The following RAB11FIP5 variants were observed in gnomAD, a reference collection of about 807,000 sequenced individuals.
RAB11FIP5 encodes the protein RAB11 family interacting protein 5.
Under a neutral mutation model 85.1 loss-of-function variants are expected in RAB11FIP5, and 48 were observed. The observed-to-expected ratio is 0.56, with a 90% CI of 0.45 to 0.72. The LOEUF (loss-of-function observed/expected upper bound fraction) is 0.72, where lower values mean the gene tolerates loss of function less well. Among genes scored for constraint, RAB11FIP5 ranks in the 30% least tolerant of loss-of-function variants. The pLI, the probability that RAB11FIP5 is intolerant of heterozygous loss-of-function variation, is 0.00. For missense variants in RAB11FIP5, 1,491 were observed against 1,687.0 expected (o/e 0.88, Z 2.04); for synonymous variants, 729 against 727.3 (o/e 1.00, Z -0.04).
Position 73,078,830 on chromosome 2 carries a change from C to T in RAB11FIP5, c.3581+821G>A, listed in dbSNP as rs941889305. Among the ~76,000 whole-genome samples the T allele has an allele frequency of 2.9e-4, 44 of 152,174 alleles. No individual in the cohort carries two copies. The highest frequency in any genetic ancestry group is 9.9e-4 in the African/African-American group (41 of 41,432). ...CTTCTAAGTCACACCCCATCACCTC[C>T]CAGTGCCCTGAGTCTCCAGGCCTCT... On this transcript the variant is annotated intron_variant, in intron 4 of 5. Coordinates refer to ENST00000486777, the MANE Select transcript of RAB11FIP5 (RefSeq NM_001371272.1). The surrounding 1 kb of genome is among the most constrained non-coding windows in gnomAD (Gnocchi z 4.4).
chr2:73,106,308 G>A (rs984720070), intron 1 of RAB11FIP5, among the ~76,000 whole-genome samples: 7 of 152,210 alleles, frequency 4.6e-5, no homozygotes, highest in Non-Finnish European at 8.8e-5. Context: ...GGAGGCAGAT[G>A]GGTTCCATGA....
rs1271504210 is a variant in RAB11FIP5, at chr2:73,112,295, C to T, written c.431+52G>A. 4.0e-6 allele frequency: 6 copies of T among 1,486,670 alleles called. No homozygotes were observed. The East Asian group carries it at 1.5e-4, about 37-fold the overall frequency. 92.1% of individuals were successfully genotyped at this position (1,486,670 alleles called of 1,614,324 possible). ...TTCGGGGTCCTGATCCCCCACCAGC[C>T]CCGCCCTGTTAGGCCTTTAGCCGTT... is the stretch of plus-strand genomic sequence containing the variant. On this transcript the variant is annotated intron_variant, in intron 1 of 5. Coordinates refer to ENST00000486777, the MANE Select transcript of RAB11FIP5 (RefSeq NM_001371272.1).
Position 73,075,608 on chromosome 2 carries a change from C to G in RAB11FIP5, c.3888G>C (p.Glu1296Asp). The G allele has an allele frequency of 6.2e-7, 1 of 1,614,198 alleles. No individual in the cohort carries two copies. The highest frequency in any genetic ancestry group is 1.1e-5 in the South Asian group (1 of 91,082). The change falls in exon 6 of 6, where the codon GAG becomes GAC. Residue 1296 changes from glutamate to aspartate, a missense_variant. By Grantham distance (45) the Glu-to-Asp change is conservative (BLOSUM62 2). Transcript: ENST00000486777. The surrounding 1 kb of genome is among the most constrained non-coding windows in gnomAD (Gnocchi z 4.6). ...GCAGCCGGTCGATGTAGCTCTCCAG[C>G]TCCTGCACATGCTCGTCCCGCTGGC... ...ELSQRDEHVQ[E>D]LESYIDRLLV...
At chr2:73,109,432 T>C (rs2106126722) in intron 1 of RAB11FIP5, among the ~76,000 whole-genome samples, 1 of 152,352 alleles carries the variant, frequency 6.6e-6, no homozygotes, top group South Asian at 2.1e-4. Flanking sequence ...ATCTAATCTG[T>C]ACAACTCTAT....
chr2:73,108,372 T>A (rs1416756385), intron 1 of RAB11FIP5, among the ~76,000 whole-genome samples: 3 of 152,118 alleles, frequency 2.0e-5, no homozygotes, highest in Admixed American at 2.0e-4. Flanking sequence ...GCAGGGACCA[T>A]TTCACCCTTA....
Position 73,078,344 on chromosome 2 carries a change from A to G in RAB11FIP5, c.3581+1307T>C, listed in dbSNP as rs899346419. Among the ~76,000 whole-genome samples, 4 of 152,224 alleles carry G rather than the reference A, an allele frequency of 2.6e-5. No individual in the cohort carries two copies. Among genetic ancestry groups the G allele is most frequent in the African/African-American group, 9.6e-5 (4 of 41,460 alleles). On this transcript the variant is annotated intron_variant, in intron 4 of 5. Transcript: ENST00000486777. This position sits in a 1 kb window ranked among gnomAD's most constrained non-coding sequence, Gnocchi z 4.4. The stretch of plus-strand genomic sequence containing the variant: ...CAGAAGGAACAAGCCCAGTACAGAC[A>G]TGAAGCCAACTCTGGGACGAATAAA...
intron 1 of RAB11FIP5, among the ~76,000 whole-genome samples, chr2:73,094,838 G>A (rs1032815642): frequency 6.6e-6 from 1 of 152,092 alleles, no homozygotes; most frequent in Non-Finnish European, 1.5e-5. Context: ...CCAGGAGGGG[G>A]TAAGTTACCA....
At chr2:73,100,663 T>C (rs1413908298) in intron 1 of RAB11FIP5, among the ~76,000 whole-genome samples, 2 of 152,108 alleles carry the variant, frequency 1.3e-5, no homozygotes, top group African/African-American at 4.8e-5. Context: ...TGACCTCAAG[T>C]GATCCATCTG....
In RAB11FIP5 at chr2:73,075,560, T is replaced by G; in HGVS notation, c.3936A>C (p.Ser1312=). The G allele has an allele frequency of 6.2e-7, 1 of 1,613,954 alleles. No individual in the cohort carries two copies. The highest frequency in any genetic ancestry group is 8.5e-7 in the Non-Finnish European group (1 of 1,179,934). Residue 1312 remains serine (S), a synonymous_variant, in exon 6 of 6, where the codon TCA becomes TCC. Coordinates refer to ENST00000486777, the MANE Select transcript of RAB11FIP5 (RefSeq NM_001371272.1). This position sits in a 1 kb window ranked among gnomAD's most constrained non-coding sequence, Gnocchi z 4.6. ...CCGGGGGGATCTGCAGCAGCGTGGG[T>G]GAGGTCTCCATGATCCGCACCAGCA... ...DRLLVRIMET[S]PTLLQIPPGP...
intron 4 of RAB11FIP5, among the ~76,000 whole-genome samples, chr2:73,077,957 A>G (rs1403893822): frequency 6.6e-6 from 1 of 152,222 alleles, no homozygotes; most frequent in East Asian, 1.9e-4. Flanking sequence ...GGTCACCCAG[A>G]CCCAGAGACT....
chr2:73,102,569 C>T (rs1558523347), intron 1 of RAB11FIP5, among the ~76,000 whole-genome samples: 1 of 152,142 alleles, frequency 6.6e-6, no homozygotes, highest in African/African-American at 2.4e-5. Flanking sequence ...TGGGAGCACC[C>T]CTTTTTCGCC....
chr2:73,083,551 T>C (rs1033703010), intron 3 of RAB11FIP5, among the ~76,000 whole-genome samples: 1 of 152,126 alleles, frequency 6.6e-6, no homozygotes, highest in Non-Finnish European at 1.5e-5. Context: ...TCCCACCTGT[T>C]CCCACCCCAC....
chr2:73,081,917 T>C lies in RAB11FIP5; in HGVS notation c.1569-254A>G, dbSNP rs1298226599. 6.6e-6 allele frequency among the ~76,000 whole-genome samples: 1 copy of C among 152,140 alleles called. No homozygotes were observed. Among genetic ancestry groups the C allele is most frequent in the Non-Finnish European group, 1.5e-5 (1 of 68,032 alleles). On this transcript the variant is annotated intron_variant, in intron 3 of 5. Coordinates refer to ENST00000486777, the MANE Select transcript of RAB11FIP5 (RefSeq NM_001371272.1). The surrounding 1 kb of genome is among the most constrained non-coding windows in gnomAD (Gnocchi z 4.2). ...CCCAGAGAGAAATCATCTCATCTGATAGGCAGGATCCGATCCAAACCTAAC... is the reference window on the plus strand; with the variant it reads ...CCCAGAGAGAAATCATCTCATCTGACAGGCAGGATCCGATCCAAACCTAAC...
chr2:73,095,728 T>C (rs1165166225), intron 1 of RAB11FIP5, among the ~76,000 whole-genome samples: 3 of 152,230 alleles, frequency 2.0e-5, no homozygotes, highest in Non-Finnish European at 4.4e-5. Context: ...TCCAAGCCCA[T>C]GTCCTTAACC....
intron 1 of RAB11FIP5, among the ~76,000 whole-genome samples, chr2:73,106,022 A>G (rs1465799616): frequency 1.3e-5 from 2 of 152,166 alleles, no homozygotes; most frequent in African/African-American, 2.4e-5. Context: ...ACTGCATGCC[A>G]GCCTCAGTGA....
intron 1 of RAB11FIP5, among the ~76,000 whole-genome samples, chr2:73,105,221 C>T (rs1684501528): frequency 6.6e-6 from 1 of 152,094 alleles, no homozygotes; most frequent in Admixed American, 6.6e-5. Context: ...GGCTGACCTT[C>T]TCAGGCCTCA....
In RAB11FIP5 at chr2:73,081,028, G is replaced by A. The variant is rs534801700; in HGVS notation, c.2204C>T (p.Ala735Val). ...GAGGAGCCCTGGGTCAGCCGCGCTC[G>A]CGCTCTGGTGGTTCGGTCCCAAGTC... ...PLDLGPNHQS[A>V]SAADPGLLGS... The change falls in exon 4 of 6, where the codon GCG (alanine) becomes GTG (valine). Residue 735 changes from alanine (A) to valine (V), a missense_variant. This residue lies in a region of RAB11FIP5 where 1,211 missense variants were observed against 1,338.0 expected (regional missense o/e 0.91). Transcript: ENST00000486777. The surrounding 1 kb of genome is among the most constrained non-coding windows in gnomAD (Gnocchi z 4.2). 22 of 1,232,476 alleles carry A rather than the reference G, an allele frequency of 1.8e-5. No individual in the cohort carries two copies. Among genetic ancestry groups the A allele is most frequent in the East Asian group, 1.6e-4 (5 of 31,706 alleles). 76.3% of individuals were successfully genotyped at this position (1,232,476 alleles called of 1,614,324 possible). A position where few individuals can be genotyped will look rare whatever the true frequency, so the allele number is the denominator to read the frequency against.
chr2:73,098,821 A>G (rs1342694456), intron 1 of RAB11FIP5, among the ~76,000 whole-genome samples: 2 of 152,160 alleles, frequency 1.3e-5, no homozygotes, highest in Admixed American at 1.3e-4. Flanking sequence ...TCTTCCCACT[A>G]TGAATTTTTG....
At chr2:73,108,435 C>T (rs2106125942) in intron 1 of RAB11FIP5, among the ~76,000 whole-genome samples, 1 of 152,280 alleles carries the variant, frequency 6.6e-6, no homozygotes, top group Admixed American at 6.5e-5. Flanking sequence ...GTTGTGCTCT[C>T]TCCTCCTCTC....
Sources: gnomAD v4.1 joint callset for allele counts (sites outside exome capture counted in the v4.1 genomes callset) on GRCh38, gnomAD v4.1.1 for gene constraint, gnomAD v4.1.1 regional missense constraint, Gnocchi (gnomAD v3.1) non-coding constraint, MANE v1.5 for transcripts, NCBI Gene and HGNC (gene_info 2026-07-23, HGNC 2026-07-21) for gene names.